LPIN2: variants seen among roughly 807,000 people sequenced by gnomAD.
LPIN2 encodes lipin 2, also known as phosphatidate phosphatase LPIN2.
In LPIN2, 55 loss-of-function variants were observed where a neutral mutation model predicts 111.4. The observed-to-expected ratio is 0.49, with a 90% confidence interval of 0.40 to 0.62. The LOEUF (loss-of-function observed/expected upper bound fraction) is 0.62, where lower values mean the gene tolerates loss of function less well. Among genes scored for constraint, LPIN2 ranks in the 20% least tolerant of loss-of-function variants. LPIN2 has a pLI of 0.00. For synonymous variants in LPIN2, 425 were observed against 414.0 expected (o/e 1.03, Z -0.32); for missense variants, 992 against 1,112.1 (o/e 0.89, Z 1.54).
At chr18:2,943,982 A>G (rs1474638201) in intron 4 of LPIN2, among the ~76,000 whole-genome samples, 1 of 152,206 alleles carries the variant, frequency 6.6e-6, no homozygotes, top group East Asian at 1.9e-4. Flanking sequence ...GGAAAAGAAA[A>G]GACTCAAGGG....
chr18:2,917,590 T>TTTAAG lies in LPIN2; in HGVS notation c.*2698_*2702dup, dbSNP rs1391325207. The TTTAAG allele has an allele frequency of 1.3e-5, 2 of 152,186 alleles. No homozygotes were observed. Among genetic ancestry groups the TTTAAG allele is most frequent in the South Asian group, 2.1e-4 (1 of 4,830 alleles). The allele number at this position is 152,186 out of a possible 1,614,324, so 9.4% of individuals were successfully genotyped here. On this transcript the variant is annotated 3_prime_UTR_variant, in exon 20 of 20. Transcript: ENST00000677752. ...AGCTTTCATTTTAGGACATCCCATT[T>TTTAAG]TTAAGTTTTTTCTTTTTCCAGTTGA...
At chr18:2,970,347 A>G (rs1450347740) in intron 1 of LPIN2, among the ~76,000 whole-genome samples, 2 of 152,198 alleles carry the variant, frequency 1.3e-5, no homozygotes, top group African/African-American at 4.8e-5. Flanking sequence ...GCTGGCTGAC[A>G]GGGGTGGGAA....
intron 1 of LPIN2, among the ~76,000 whole-genome samples, chr18:3,007,418 G>A (rs6506040): frequency 0.11 from 17,468 of 152,206 alleles, 1,239 homozygotes; most frequent in East Asian, 0.34. Context: ...TGATCCGCCC[G>A]CCTGGGCCTC....
intron 5 of LPIN2, 111 bp from the exon 6 acceptor site, chr18:2,939,714 T>C (rs2077343102): frequency 8.3e-7 from 1 of 1,199,310 alleles, no homozygotes; most frequent in Non-Finnish European, 1.2e-6. Flanking sequence ...TTATCCTGCA[T>C]ATATAAAAAC....
intron 7 of LPIN2, among the ~76,000 whole-genome samples, chr18:2,935,604 T>TA (rs2077274990): frequency 6.6e-6 from 1 of 152,204 alleles, no homozygotes; most frequent in Non-Finnish European, 1.5e-5. Context: ...ACAGGCCAGC[T>TA]AAAAAAATAT....
intron 13 of LPIN2, among the ~76,000 whole-genome samples, chr18:2,926,121 G>A (rs2077126236): frequency 3.3e-5 from 5 of 151,962 alleles, no homozygotes; most frequent in Admixed American, 2.0e-4. Context: ...TGAGACTCTA[G>A]AAAAAAACAA....
chr18:2,974,793 A>G (rs925628491), intron 1 of LPIN2, among the ~76,000 whole-genome samples: 4 of 152,148 alleles, frequency 2.6e-5, no homozygotes, highest in Non-Finnish European at 5.9e-5. Context: ...GAAGGTGGAG[A>G]GCAGCCTGGG....
chr18:2,991,136 CAGG>C (rs2078258910), intron 1 of LPIN2: 2 of 373,884 alleles, frequency 5.3e-6, no homozygotes, highest in Middle Eastern at 7.1e-4. Context: ...TCTGCTTCAC[CAGG>C]AGATCACAAT....
chr18:2,971,480 T>A (rs2077909912), intron 1 of LPIN2, among the ~76,000 whole-genome samples: 1 of 152,112 alleles, frequency 6.6e-6, no homozygotes, highest in South Asian at 2.1e-4. Flanking sequence ...TAGGCTACCT[T>A]CAAACTCTTG....
intron 8 of LPIN2, among the ~76,000 whole-genome samples, chr18:2,933,493 G>A (rs1472102123): frequency 6.6e-6 from 1 of 152,186 alleles, no homozygotes; most frequent in Non-Finnish European, 1.5e-5. Flanking sequence ...AAGTAGATAT[G>A]TTGAGATAAA....
chr18:2,967,918 A>C (rs1385191334), intron 1 of LPIN2, among the ~76,000 whole-genome samples: 2 of 152,236 alleles, frequency 1.3e-5, no homozygotes, highest in Non-Finnish European at 2.9e-5. Context: ...GCACAAGAAC[A>C]ACCTGGCCTA....
chr18:2,923,655 C>T (rs555034596), intron 16 of LPIN2, 120 bp downstream of exon 16: 10 of 877,956 alleles, frequency 1.1e-5, no homozygotes, highest in South Asian at 4.0e-5. Context: ...TGAGGAAGAG[C>T]GGGAATGCTT....
intron 5 of LPIN2, among the ~76,000 whole-genome samples, chr18:2,940,289 T>G (rs1266076525): frequency 3.3e-5 from 5 of 152,172 alleles, no homozygotes; most frequent in African/African-American, 1.2e-4. Flanking sequence ...AGTGTGCCAC[T>G]GCACTCCAGG....
intron 1 of LPIN2, among the ~76,000 whole-genome samples, chr18:2,973,635 A>G (rs565623425): frequency 4.6e-5 from 7 of 152,350 alleles, no homozygotes; most frequent in Admixed American, 3.9e-4. Flanking sequence ...ATAAAACTAC[A>G]GGTTGAGTAT....
rs2077211286 is a variant in LPIN2 at position 2,931,384 on chromosome 18, G to A, written c.1328C>T (p.Ser443Phe). The change falls in exon 9 of 20, where the codon TCC becomes TTC. Residue 443 changes from serine to phenylalanine, a missense_variant. Coordinates refer to ENST00000677752, the MANE Select transcript of LPIN2 (RefSeq NM_001375808.2). ...AGCTGCGCTTCCCACGGACTGTGGG[G>A]ACTGGGAGCCAGAGAGTGTGTCAGA... Reference protein sequence around the residue: ...PESDTLSGSQSPQSVGSAAAD... With the variant: ...PESDTLSGSQFPQSVGSAAAD... 6.2e-7 allele frequency: 1 copy of A among 1,611,420 alleles called. No individual in the cohort carries two copies. The highest frequency in any genetic ancestry group is 1.1e-5 in the South Asian group (1 of 90,600).
rs1378726888 is a variant in LPIN2, at chr18:3,003,652, C to G, written c.-10+9435G>C. On this transcript the variant is annotated intron_variant, in intron 1 of 19. Coordinates refer to ENST00000677752, the MANE Select transcript of LPIN2 (RefSeq NM_001375808.2). Reference sequence around the variant, plus strand: ...TTATAATTTCTTATGTCTGTTTTTACTTTAATCTCTTAATCACGTTATCTT... The same window carrying G: ...TTATAATTTCTTATGTCTGTTTTTAGTTTAATCTCTTAATCACGTTATCTT... 2.0e-5 allele frequency among the ~76,000 whole-genome samples: 3 copies of G among 152,144 alleles called. No individual in the cohort carries two copies. The East Asian group carries it at 5.8e-4, about 29-fold the overall frequency.
intron 1 of LPIN2, among the ~76,000 whole-genome samples, chr18:2,976,823 C>G (rs891856992): frequency 3.9e-5 from 6 of 152,184 alleles, no homozygotes; most frequent in Admixed American, 1.3e-4. Context: ...ACAGACTGTT[C>G]ATTAACAAAG....
chr18:2,950,930 T>G lies in LPIN2; in HGVS notation c.590+125A>C, dbSNP rs546269925. 4 of 992,764 alleles carry G rather than the reference T, an allele frequency of 4.0e-6. No homozygotes were observed. In the Admixed American group the frequency reaches 5.4e-5, roughly 13 times the overall value. The allele number at this position is 992,764 out of a possible 1,614,324, so 61.5% of individuals were successfully genotyped here. On this transcript the variant is annotated intron_variant, in intron 4 of 19. Transcript: ENST00000677752. ...CTGCCTTTGCTGCTTGATTCCACAA[T>G]AAACTGTAAAGGGGGAAAACAAGCC...
At position 2,922,290 on chromosome 18, in the gene LPIN2, T is replaced by A; in HGVS notation, c.2175-91A>T. 3.4e-6 allele frequency: 5 copies of A among 1,449,748 alleles called. No homozygotes were observed. In the South Asian group the frequency reaches 5.0e-5, roughly 15 times the overall value. The allele number at this position is 1,449,748 out of a possible 1,614,324, so 89.8% of individuals were successfully genotyped here. A position where few individuals can be genotyped will look rare whatever the true frequency, so the allele number is the denominator to read the frequency against. ...AAAAAAACCCCACACTTTTCTTTCT[T>A]TTTTTTTTGAGTCTCACTCTGTTAC... On this transcript the variant is annotated intron_variant, in intron 16 of 19. Coordinates refer to ENST00000677752, the MANE Select transcript of LPIN2 (RefSeq NM_001375808.2).
Sources: gnomAD v4.1 joint callset for allele counts (sites outside exome capture counted in the v4.1 genomes callset) on GRCh38, gnomAD v4.1.1 for gene constraint, MANE v1.5 for transcripts, NCBI Gene and HGNC (gene_info 2026-07-23, HGNC 2026-07-21) for gene names.